AATK: variants seen among roughly 807,000 people sequenced by gnomAD.
The protein encoded by AATK is lemur tail kinase 1.
In AATK, 91 loss-of-function variants were observed where a neutral mutation model predicts 114.3. The ratio of observed to expected loss-of-function variants is 0.80; its 90% CI spans 0.67 to 0.95. The LOEUF (loss-of-function observed/expected upper bound fraction) is 0.95. Among genes scored for constraint, AATK ranks in the 40% least tolerant of loss-of-function variants. The pLI, the probability that AATK is intolerant of heterozygous loss-of-function variation, is 0.00. For missense variants in AATK, 2,176 were observed against 1,965.2 expected (o/e 1.11, Z -2.03); for synonymous variants, 1,075 against 916.5 (o/e 1.17, Z -3.12).
chr17:81,124,738 G>A lies in AATK; in HGVS notation c.951C>T (p.Ser317=), dbSNP rs961047576. The A allele has an allele frequency of 6.8e-5, 110 of 1,612,662 alleles. No homozygotes were observed. The highest frequency in any genetic ancestry group is 8.2e-5 in the Non-Finnish European group (97 of 1,179,758). The change falls in exon 9 of 14, where the codon AGC becomes AGT. Residue 317 remains serine, a synonymous_variant. Coordinates refer to ENST00000326724, the MANE Select transcript of AATK (RefSeq NM_001080395.3). ...AGGGCCGCACTCACCACACATTCCC[G>A]CTCTTGGTCTGGTCCACGACGAGCA... ...SNLLVVDQTK[S]GNVWSLGVTI...
At chr17:81,159,917 G>A (rs572023955) in intron 1 of AATK, among the ~76,000 whole-genome samples, 2 of 152,102 alleles carry the variant, frequency 1.3e-5, no homozygotes, top group Non-Finnish European at 2.9e-5. Flanking sequence ...CTGGCAGGTG[G>A]GTAGAGCCAG....
At chr17:81,157,602 A>C (rs894542959) in intron 1 of AATK, among the ~76,000 whole-genome samples, 3 of 152,154 alleles carry the variant, frequency 2.0e-5, no homozygotes, top group Non-Finnish European at 4.4e-5. Flanking sequence ...CCAGGGACGG[A>C]AGTGAGTTCC....
At position 81,118,116 on chromosome 17, in the gene AATK, GTGTA is replaced by G. The variant is rs1220981488; in HGVS notation, c.*282_*285del. The G allele has an allele frequency of 2.2e-6, 1 of 453,440 alleles. No homozygotes were observed. The highest frequency in any genetic ancestry group is 3.7e-5 in the East Asian group (1 of 26,830). The allele number at this position is 453,440 out of a possible 1,614,324, so 28.1% of individuals were successfully genotyped here. A position where few individuals can be genotyped will look rare whatever the true frequency, so the allele number is the denominator to read the frequency against. ...CCAGGGGCACTGGCCCCTTTTGAGT[GTGTA>G]TGTGTGTACAGACACCCACTGTGGC... On this transcript the variant is annotated 3_prime_UTR_variant, in exon 14 of 14. Coordinates refer to ENST00000326724, the MANE Select transcript of AATK (RefSeq NM_001080395.3).
intron 1 of AATK, among the ~76,000 whole-genome samples, chr17:81,159,076 G>A (rs1371881862): frequency 5.9e-5 from 9 of 152,198 alleles, no homozygotes; most frequent in South Asian, 2.1e-4. Flanking sequence ...GGGATGGGGA[G>A]TGATGCCCTC....
At chr17:81,143,884 C>T (rs1212391542) in intron 1 of AATK, among the ~76,000 whole-genome samples, 3 of 152,234 alleles carry the variant, frequency 2.0e-5, no homozygotes, top group African/African-American at 7.2e-5. Context: ...CGGGCGTGAC[C>T]CCCACATGCT....
intron 1 of AATK, among the ~76,000 whole-genome samples, chr17:81,138,608 AACAC>A (rs201892900): frequency 1.3e-4 from 18 of 143,892 alleles, no homozygotes; most frequent in East Asian, 4.3e-4. Context: ...CCACACGCAC[AACAC>A]ACACACATAC....
intron 2 of AATK, chr17:81,133,082 C>A (rs550954716): frequency 5.9e-6 from 2 of 340,760 alleles, no homozygotes; most frequent in Non-Finnish European, 1.2e-5. Flanking sequence ...CTGGTGCCAG[C>A]GGGTCAGGGG....
Position 81,118,234 on chromosome 17 carries a change from G to A in AATK, c.*168C>T. On this transcript the variant is annotated 3_prime_UTR_variant, in exon 14 of 14. Transcript: ENST00000326724. ...GAGCATGGCCGATCTACCATCCAGG[G>A]CCTCTCATCCCACGGGCTTCTCCAG... The A allele has an allele frequency of 1.6e-6, 1 of 643,144 alleles. No homozygotes were observed. The highest frequency in any genetic ancestry group is 1.8e-5 in the African/African-American group (1 of 54,658). The allele number at this position is 643,144 out of a possible 1,614,324, so 39.8% of individuals were successfully genotyped here.
chr17:81,120,162 C>T (rs779354524), intron 11 of AATK, 39 bp downstream of exon 11: 4 of 1,526,056 alleles, frequency 2.6e-6, no homozygotes, highest in Admixed American at 4.2e-5. Flanking sequence ...GGGAGCGCGA[C>T]CCCCAGCCCC....
Position 81,122,458 on chromosome 17 carries a change from G to GCGGCCGGGAAGGCC in AATK, c.1477_1478insGGCCTTCCCGGCCG (p.Thr493ArgfsTer7). 6.9e-7 allele frequency: 1 copy of GCGGCCGGGAAGGCC among 1,452,748 alleles called. No homozygotes were observed. 90.0% of individuals were successfully genotyped at this position (1,452,748 alleles called of 1,614,324 possible). A position where few individuals can be genotyped will look rare whatever the true frequency, so the allele number is the denominator to read the frequency against. On this transcript the variant is annotated frameshift_variant, in exon 11 of 14. Transcript: ENST00000326724. LOFTEE classifies it high-confidence loss of function. ...GCGTGCGGTGCGGCCAGGGCTCAGC[G>GCGGCCGGGAAGGCC]TGGCCGGGAAGGCCTCCGCGCCGCG...
chr17:81,163,845 G>A (rs577024602), intron 1 of AATK, among the ~76,000 whole-genome samples: 28 of 152,346 alleles, frequency 1.8e-4, no homozygotes, highest in African/African-American at 5.8e-4. Context: ...GAGCCGGCCC[G>A]GCAGCGGGGC....
chr17:81,160,756 G>A (rs927135852), intron 1 of AATK, among the ~76,000 whole-genome samples: 12 of 152,250 alleles, frequency 7.9e-5, no homozygotes, highest in Non-Finnish European at 1.2e-4. Context: ...TTGCCCTGGC[G>A]TGCACAGAGG....
intron 1 of AATK, among the ~76,000 whole-genome samples, chr17:81,141,097 A>C (rs956457164): frequency 6.6e-6 from 1 of 151,610 alleles, no homozygotes; most frequent in South Asian, 2.1e-4. Flanking sequence ...AAGGGGCTGG[A>C]AAGGCCAGGG....
intron 1 of AATK, among the ~76,000 whole-genome samples, chr17:81,150,889 G>A (rs922891080): frequency 8.5e-5 from 13 of 152,224 alleles, no homozygotes; most frequent in East Asian, 3.9e-4. Context: ...CCTGGCAGGC[G>A]TGCCGCTGAG....
At chr17:81,132,024 A>AT in intron 2 of AATK, 3 of 1,304,820 alleles carry the variant, frequency 2.3e-6, no homozygotes, top group Non-Finnish European at 3.0e-6. Flanking sequence ...ACTCCCTGCC[A>AT]GGCTGCTATT....
Position 81,126,808 on chromosome 17 carries a change from G to A in AATK, c.622-248C>T. ...CCTCAGCCAGCCCCGGGCAGCAGGA[G>A]TCCCTTGGCCTGTGGTAGAGAGAGA... On this transcript the variant is annotated intron_variant, in intron 6 of 13. Coordinates refer to ENST00000326724, the MANE Select transcript of AATK (RefSeq NM_001080395.3). The surrounding 1 kb of genome is among the most constrained non-coding windows in gnomAD (Gnocchi z 5.1). 1 of 1,361,452 alleles carries A rather than the reference G, an allele frequency of 7.3e-7. No homozygotes were observed. The highest frequency in any genetic ancestry group is 1.9e-5 in the South Asian group (1 of 53,748). 84.3% of individuals were successfully genotyped at this position (1,361,452 alleles called of 1,614,324 possible).
chr17:81,148,587 C>T (rs921699179), intron 1 of AATK, among the ~76,000 whole-genome samples: 3 of 152,228 alleles, frequency 2.0e-5, no homozygotes, highest in Admixed American at 6.5e-5. Context: ...GGATGAGCCC[C>T]GGGGGTTCCC....
chr17:81,128,836 A>G, intron 3 of AATK: 1 of 1,224,872 alleles, frequency 8.2e-7, no homozygotes, highest in African/African-American at 1.6e-5. Flanking sequence ...CAGGGACAGC[A>G]GGGCCCGGAG....
chr17:81,133,744 G>C (rs182019675), intron 2 of AATK, among the ~76,000 whole-genome samples: 5 of 152,174 alleles, frequency 3.3e-5, no homozygotes, highest in Non-Finnish European at 7.4e-5. Context: ...CTTGGCACCT[G>C]TCCTTGGCCA....
Sources: allele counts gnomAD v4.1 joint callset (sites outside exome capture counted in the v4.1 genomes callset), GRCh38; gene constraint gnomAD v4.1.1; non-coding constraint Gnocchi (gnomAD v3.1); transcripts MANE v1.5; gene names NCBI Gene and HGNC (gene_info 2026-07-23, HGNC 2026-07-21).